Variants in HYDIN observed in about 807,000 individuals in gnomAD.
HYDIN encodes axonemal central pair apparatus protein HYDIN.
In HYDIN, 132 loss-of-function variants were observed where a neutral mutation model predicts 403.9. That is an observed-to-expected ratio of 0.33 (90% CI 0.28 to 0.38). The LOEUF (loss-of-function observed/expected upper bound fraction) is 0.38. Among genes scored for constraint, HYDIN ranks in the 10% least tolerant of loss-of-function variants. The probability of loss-of-function intolerance (pLI) is 1.00; values close to 1 mark genes in which losing one functional copy is unlikely to be tolerated. For synonymous variants in HYDIN, 1,202 were observed against 1,891.7 expected (o/e 0.64, Z 9.46); for missense variants, 2,827 against 5,009.5 (o/e 0.56, Z 13.15).
intron 58 of HYDIN, among the ~76,000 whole-genome samples, chr16:70,888,008 T>A (rs2041245975): frequency 6.6e-6 from 1 of 152,208 alleles, no homozygotes; most frequent in African/African-American, 2.4e-5. Flanking sequence ...TTTTCCTCTG[T>A]TCCCTCTGTG....
intron 45 of HYDIN, among the ~76,000 whole-genome samples, chr16:70,930,936 A>G (rs1414997348): frequency 2.6e-5 from 4 of 152,214 alleles, no homozygotes; most frequent in Non-Finnish European, 5.9e-5. Context: ...AAAGGAAAAG[A>G]CAGTCAACTA....
intron 45 of HYDIN, among the ~76,000 whole-genome samples, chr16:70,927,867 A>G (rs188119790): frequency 6.6e-6 from 1 of 152,316 alleles, no homozygotes; most frequent in East Asian, 1.9e-4. Context: ...CCTAGAAAAA[A>G]ACACCCTTGA....
chr16:70,897,476 C>T (rs1011377254), intron 53 of HYDIN, among the ~76,000 whole-genome samples: 9 of 151,642 alleles, frequency 5.9e-5, no homozygotes, highest in Admixed American at 3.3e-4. Context: ...CAAACTGGAC[C>T]GACTTGAGTT....
rs2034922269 is a variant in HYDIN at position 70,802,452 on chromosome 16, T to TCTC, written c.*5127_*5128insGAG. On this transcript the variant is annotated 3_prime_UTR_variant, in exon 86 of 86. Coordinates refer to ENST00000393567, the MANE Select transcript of HYDIN (RefSeq NM_001270974.2). ...AATCAAGTGAGTACTTAAAAGAGAT[T>TCTC]AGAAGAAATTTGAACTGGAAGAGAG... 4 of 152,280 alleles carry TCTC rather than the reference T, an allele frequency of 2.6e-5. No homozygotes were observed. The highest frequency in any genetic ancestry group is 2.1e-4 in the South Asian group (1 of 4,818). The allele number at this position is 152,280 out of a possible 1,614,324, so 9.4% of individuals were successfully genotyped here.
At chr16:70,878,865 C>A (rs1359264229) in intron 62 of HYDIN, among the ~76,000 whole-genome samples, 5 of 141,108 alleles carry the variant, frequency 3.5e-5, no homozygotes, top group Non-Finnish European at 7.4e-5. Flanking sequence ...CACAATACAT[C>A]ACATTTTGTA....
intron 84 of HYDIN, among the ~76,000 whole-genome samples, chr16:70,814,009 C>T (rs1390148478): frequency 6.7e-6 from 1 of 150,308 alleles, no homozygotes; most frequent in Non-Finnish European, 1.5e-5. Context: ...CCCTGCAGAG[C>T]AGTGGGGGAA....
At chr16:71,126,666 C>A (rs2084475430) in intron 9 of HYDIN, among the ~76,000 whole-genome samples, 1 of 152,114 alleles carries the variant, frequency 6.6e-6, no homozygotes, top group Non-Finnish European at 1.5e-5. Flanking sequence ...GGGGGTAGGC[C>A]ACTAGTGAGT....
chr16:70,894,348 A>G (rs1213516217), intron 55 of HYDIN, 101 bp downstream of exon 55: 2 of 1,547,028 alleles, frequency 1.3e-6, no homozygotes, highest in African/African-American at 1.4e-5. Flanking sequence ...GACGGCCGCA[A>G]ACCCTATCGG....
intron 47 of HYDIN, among the ~76,000 whole-genome samples, chr16:70,909,749 G>A (rs2076641129): frequency 7.4e-6 from 1 of 134,884 alleles, no homozygotes; most frequent in South Asian, 2.4e-4. Flanking sequence ...AGGCTGCAGT[G>A]CAGTGGTGCC....
chr16:70,936,813 T>C (rs2077506188), intron 44 of HYDIN, among the ~76,000 whole-genome samples: 1 of 150,474 alleles, frequency 6.6e-6, no homozygotes, highest in African/African-American at 2.4e-5. Flanking sequence ...ATTACAGGCA[T>C]GAGCCACTGC....
chr16:71,226,274 G>C (rs2041028804), intron 1 of HYDIN, among the ~76,000 whole-genome samples: 1 of 152,108 alleles, frequency 6.6e-6, no homozygotes, highest in Non-Finnish European at 1.5e-5. Flanking sequence ...TGATAAATCA[G>C]AAACATGTAT....
At chr16:71,109,156 CCA>C (rs1359749494) in intron 10 of HYDIN, among the ~76,000 whole-genome samples, 3 of 150,802 alleles carry the variant, frequency 2.0e-5, no homozygotes, top group Admixed American at 2.0e-4. Flanking sequence ...CTTTGGGAGG[CCA>C]CTTCTGTGCT....
At chr16:70,947,411 G>A (rs1023598562) in intron 41 of HYDIN, among the ~76,000 whole-genome samples, 6 of 152,024 alleles carry the variant, frequency 3.9e-5, no homozygotes, top group South Asian at 2.1e-4. Context: ...TGGTGGATAA[G>A]CTTTCTGATG....
At chr16:71,229,863 T>C (rs1261230740) in intron 1 of HYDIN, among the ~76,000 whole-genome samples, 1 of 152,216 alleles carries the variant, frequency 6.6e-6, no homozygotes, top group Non-Finnish European at 1.5e-5. Flanking sequence ...AAATATCATC[T>C]TGAATTATAA....
intron 1 of HYDIN, among the ~76,000 whole-genome samples, chr16:71,228,109 T>G (rs896946997): frequency 6.6e-5 from 10 of 152,160 alleles, no homozygotes; most frequent in Non-Finnish European, 1.3e-4. Flanking sequence ...GCTAGCCATA[T>G]GTAGAAAGCT....
chr16:70,899,880 A>G (rs2076314300), intron 53 of HYDIN, among the ~76,000 whole-genome samples: 1 of 151,758 alleles, frequency 6.6e-6, no homozygotes, highest in South Asian at 2.1e-4. Flanking sequence ...GCTTGAGCCA[A>G]GAAACAGCCA....
intron 18 of HYDIN, among the ~76,000 whole-genome samples, chr16:71,053,350 A>G (rs1047132414): frequency 1.3e-5 from 2 of 152,258 alleles, no homozygotes; most frequent in African/African-American, 4.8e-5. Flanking sequence ...TATATACCCA[A>G]AAACTCTTGC....
chr16:71,034,727 A>AT (rs2081030403), intron 18 of HYDIN, among the ~76,000 whole-genome samples: 1 of 151,578 alleles, frequency 6.6e-6, no homozygotes, highest in Admixed American at 6.6e-5. Flanking sequence ...AAAGAAGAAC[A>AT]TTTTTCAAGG....
intron 8 of HYDIN, 146 bp from the exon 9 acceptor site, chr16:71,129,969 C>T: frequency 4.2e-6 from 3 of 713,018 alleles, no homozygotes; most frequent in Non-Finnish European, 6.8e-6. Context: ...TAACCTGCTG[C>T]CCTTGCACTC....
Sources: gnomAD v4.1 joint callset for allele counts (sites outside exome capture counted in the v4.1 genomes callset) on GRCh38, gnomAD v4.1.1 for gene constraint, MANE v1.5 for transcripts, NCBI Gene and HGNC (gene_info 2026-07-23, HGNC 2026-07-21) for gene names.